The following DHRS7B variants were observed in gnomAD, a reference collection of about 807,000 sequenced individuals.
The protein encoded by DHRS7B is peroxisomal reductase activating PPAR-gamma.
In DHRS7B, 24 loss-of-function variants were observed where a neutral mutation model predicts 26.4. The observed-to-expected ratio is 0.91, with a 90% confidence interval of 0.66 to 1.28. The LOEUF is 1.28. DHRS7B is among the 50% of genes most tolerant of loss of function. DHRS7B has a pLI of 0.00. For synonymous variants in DHRS7B, 142 were observed against 166.4 expected (o/e 0.85, Z 1.13); for missense variants, 368 against 419.4 (o/e 0.88, Z 1.07).
chr17:21,150,779 T>C (rs79179755), intron 1 of DHRS7B, among the ~76,000 whole-genome samples: 170 of 152,298 alleles, frequency 1.1e-3, no homozygotes, highest in Middle Eastern at 3.4e-3. Flanking sequence ...AGTCCTAAAA[T>C]TAAGCCATCA....
Position 21,190,931 on chromosome 17 carries a change from T to G in DHRS7B, c.773-17T>G, listed in dbSNP as rs749090466. On this transcript the variant is annotated splice_polypyrimidine_tract_variant and intron_variant, in intron 6 of 6. Coordinates refer to ENST00000395511, the MANE Select transcript of DHRS7B (RefSeq NM_015510.5). ...TGCTTCCAAGTTCATGTGTTTCTTT[T>G]GTTTTATTTATTTTAGTTATGGACA... 6.2e-7 allele frequency: 1 copy of G among 1,612,560 alleles called. No homozygotes were observed. Among genetic ancestry groups the G allele is most frequent in the South Asian group, 1.1e-5 (1 of 90,938 alleles).
rs1457448584 is a variant in DHRS7B, at chr17:21,144,454, G to GA, written c.20+17465dup. On this transcript the variant is annotated intron_variant, in intron 1 of 6. Coordinates refer to ENST00000395511, the MANE Select transcript of DHRS7B (RefSeq NM_015510.5). ...TCATGCTGGACTACCTTAGTTTAAGGAATCTAGATTTATGAAAACCCAGGT... is the reference window on the plus strand; with the variant it reads ...TCATGCTGGACTACCTTAGTTTAAGGAAATCTAGATTTATGAAAACCCAGGT... Among the ~76,000 whole-genome samples, 9 of 152,142 alleles carry GA rather than the reference G, an allele frequency of 5.9e-5. No individual in the cohort carries two copies. The East Asian group carries it at 1.5e-3, about 26-fold the overall frequency.
chr17:21,149,124 A>G (rs1270731021), intron 1 of DHRS7B, among the ~76,000 whole-genome samples: 2 of 152,112 alleles, frequency 1.3e-5, no homozygotes, highest in African/African-American at 2.4e-5. Flanking sequence ...AGACTTCTCA[A>G]TGAAGAAGCC....
intron 5 of DHRS7B, among the ~76,000 whole-genome samples, chr17:21,187,377 G>A (rs1974661704): frequency 6.6e-6 from 1 of 151,692 alleles, no homozygotes; most frequent in Non-Finnish European, 1.5e-5. Context: ...TGTAATCCCA[G>A]CACTCTGGGA....
chr17:21,131,728 A>G (rs993359461), intron 1 of DHRS7B, among the ~76,000 whole-genome samples: 2 of 152,180 alleles, frequency 1.3e-5, no homozygotes, highest in African/African-American at 4.8e-5. Context: ...ATTGCTTACC[A>G]GTGGTTTGAG....
intron 1 of DHRS7B, among the ~76,000 whole-genome samples, chr17:21,143,666 C>T (rs1481449829): frequency 1.3e-5 from 2 of 152,124 alleles, no homozygotes; most frequent in African/African-American, 4.8e-5. Flanking sequence ...TTTTAACCCA[C>T]GAGATTTACA....
chr17:21,138,131 C>CACACACAT (rs1310302508), intron 1 of DHRS7B, among the ~76,000 whole-genome samples: 7 of 138,586 alleles, frequency 5.1e-5, no homozygotes, highest in Admixed American at 2.9e-4. Context: ...CACACACACA[C>CACACACAT]ATATATTTAT....
chr17:21,183,648 A>G lies in DHRS7B; in HGVS notation c.364A>G (p.Ile122Val), dbSNP rs763186459. 12 of 1,614,092 alleles carry G rather than the reference A, an allele frequency of 7.4e-6. No individual in the cohort carries two copies. Among genetic ancestry groups the G allele is most frequent in the Non-Finnish European group, 8.5e-6 (10 of 1,180,034 alleles). ...VTFDLTDSGAIVAAAAEILQC... is the reference protein window; with the variant it reads ...VTFDLTDSGAVVAAAAEILQC... ...CTTCGACCTCACAGACTCTGGGGCC[A>G]TAGTTGCAGCAGCAGCTGAGATCCT... The change falls in exon 4 of 7, where the codon ATA (isoleucine) becomes GTA (valine). Residue 122 changes from isoleucine to valine, a missense_variant. Physicochemically the swap from Ile to Val is conservative, Grantham distance 29 (BLOSUM62 3). Coordinates refer to ENST00000395511, the MANE Select transcript of DHRS7B (RefSeq NM_015510.5).
chr17:21,159,881 A>G (rs1330366922), intron 1 of DHRS7B, among the ~76,000 whole-genome samples: 1 of 151,348 alleles, frequency 6.6e-6, no homozygotes, highest in East Asian at 1.9e-4. Flanking sequence ...AAAAAAAAAA[A>G]AAAGGACTAT....
intron 1 of DHRS7B, chr17:21,166,106 G>C (rs1974107545): frequency 1.0e-6 from 1 of 977,794 alleles, no homozygotes; most frequent in Non-Finnish European, 1.2e-6. Context: ...GCCCGGGGCT[G>C]GGCTTTGGCA....
intron 1 of DHRS7B, among the ~76,000 whole-genome samples, chr17:21,138,131 C>CACAT (rs1310302508): frequency 7.2e-6 from 1 of 138,586 alleles, no homozygotes; most frequent in African/African-American, 2.7e-5. Flanking sequence ...CACACACACA[C>CACAT]ATATATTTAT....
At chr17:21,155,246 A>G (rs1354017489) in intron 1 of DHRS7B, among the ~76,000 whole-genome samples, 1 of 152,234 alleles carries the variant, frequency 6.6e-6, no homozygotes, top group Non-Finnish European at 1.5e-5. Flanking sequence ...TGTCTACCAG[A>G]AACCAACTTT....
chr17:21,135,754 G>T (rs1373169928), intron 1 of DHRS7B, among the ~76,000 whole-genome samples: 1 of 152,050 alleles, frequency 6.6e-6, no homozygotes, highest in East Asian at 1.9e-4. Flanking sequence ...TGACACAGGG[G>T]CCCATATGCT....
At chr17:21,181,882 C>CCATT (rs1974522083) in intron 3 of DHRS7B, among the ~76,000 whole-genome samples, 1 of 97,044 alleles carries the variant, frequency 1.0e-5, no homozygotes, top group Non-Finnish European at 2.3e-5. Context: ...ATAGAATCAT[C>CCATT]TGCAAACAGA....
intron 1 of DHRS7B, among the ~76,000 whole-genome samples, chr17:21,136,847 C>T (rs2143880737): frequency 6.6e-6 from 1 of 152,098 alleles, no homozygotes; most frequent in African/African-American, 2.4e-5. Context: ...TGAGCCACCG[C>T]ACCCAGTCAA....
At chr17:21,186,285 G>T (rs1410193153) in intron 5 of DHRS7B, among the ~76,000 whole-genome samples, 2 of 152,264 alleles carry the variant, frequency 1.3e-5, no homozygotes, top group Non-Finnish European at 2.9e-5. Flanking sequence ...CACTGGCAGG[G>T]TAAGTGATGT....
intron 1 of DHRS7B, among the ~76,000 whole-genome samples, chr17:21,169,662 T>C (rs1260363312): frequency 1.3e-5 from 2 of 152,172 alleles, no homozygotes; most frequent in African/African-American, 4.8e-5. Flanking sequence ...ACAGGCTGCA[T>C]ACTTGGCTCT....
At chr17:21,141,511 T>A (rs963943897) in intron 1 of DHRS7B, among the ~76,000 whole-genome samples, 33 of 149,742 alleles carry the variant, frequency 2.2e-4, no homozygotes, top group African/African-American at 6.6e-4. Context: ...AAGGAGGAAT[T>A]ACGACCAGTT....
intron 2 of DHRS7B, among the ~76,000 whole-genome samples, chr17:21,176,601 TA>T (rs1005172003): frequency 2.0e-5 from 3 of 151,682 alleles, no homozygotes; most frequent in Non-Finnish European, 2.9e-5. Context: ...ACCCTGTCTC[TA>T]AAAAAAATAT....
Sources: allele counts gnomAD v4.1 joint callset (sites outside exome capture counted in the v4.1 genomes callset), GRCh38; gene constraint gnomAD v4.1.1; transcripts MANE v1.5; gene names NCBI Gene and HGNC (gene_info 2026-07-23, HGNC 2026-07-21).